Variants in UTRN observed in about 807,000 individuals in gnomAD.
The protein encoded by UTRN is dystrophin-related protein 1.
A neutral mutation model predicts 463.9 loss-of-function variants in UTRN; 283 were observed. The observed-to-expected ratio is 0.61, with a 90% CI of 0.55 to 0.67. The LOEUF is 0.67. UTRN is among the 30% of genes least tolerant of loss of function. The probability of loss-of-function intolerance (pLI) is 0.00; values close to 1 mark genes in which losing one functional copy is unlikely to be tolerated. For synonymous variants in UTRN, 1,442 were observed against 1,431.5 expected, an observed-to-expected ratio of 1.01 and a Z score of -0.17; for missense variants, 3,922 against 4,084.3, an observed-to-expected ratio of 0.96 and a Z score of 1.08.
At chr6:144,775,017 A>G (rs540351325) in intron 60 of UTRN, among the ~76,000 whole-genome samples, 1 of 152,182 alleles carries the variant, frequency 6.6e-6, no homozygotes, top group Admixed American at 6.5e-5. Context: ...TTGTAGTTCT[A>G]ATGATTGAGT....
At chr6:144,498,721 C>G (rs1322828762) in intron 33 of UTRN, among the ~76,000 whole-genome samples, 1 of 151,502 alleles carries the variant, frequency 6.6e-6, no homozygotes, top group Admixed American at 6.6e-5. Flanking sequence ...GTGGCAGGAT[C>G]ACGGCTCACT....
At chr6:144,715,810 A>G (rs1189903353) in intron 53 of UTRN, among the ~76,000 whole-genome samples, 3 of 150,762 alleles carry the variant, frequency 2.0e-5, no homozygotes, top group Non-Finnish European at 4.4e-5. Context: ...ATGCTCGATA[A>G]AAGTTGAATG....
intron 13 of UTRN, among the ~76,000 whole-genome samples, chr6:144,444,063 A>G (rs1787425538): frequency 6.6e-6 from 1 of 152,226 alleles, no homozygotes; most frequent in Non-Finnish European, 1.5e-5. Context: ...GTTAGTTTCT[A>G]GCTATGTGAA....
intron 3 of UTRN, among the ~76,000 whole-genome samples, chr6:144,409,929 G>A (rs2114814621): frequency 6.6e-6 from 1 of 152,256 alleles, no homozygotes; most frequent in Non-Finnish European, 1.5e-5. Context: ...GTCAAAGTCT[G>A]GACAGAATTT....
At chr6:144,721,469 A>C (rs1332338293) in intron 53 of UTRN, among the ~76,000 whole-genome samples, 1 of 152,188 alleles carries the variant, frequency 6.6e-6, no homozygotes, top group Non-Finnish European at 1.5e-5. Context: ...TTGGCCTCCC[A>C]AAGTGCTGGG....
chr6:144,340,094 G>A (rs902440449), intron 2 of UTRN, among the ~76,000 whole-genome samples: 2 of 152,316 alleles, frequency 1.3e-5, no homozygotes, highest in South Asian at 2.1e-4. Context: ...TGGAATCTGG[G>A]AGGCGGAGGT....
At chr6:144,502,289 T>C (rs1383251038) in intron 34 of UTRN, among the ~76,000 whole-genome samples, 2 of 152,048 alleles carry the variant, frequency 1.3e-5, no homozygotes, top group Admixed American at 1.3e-4. Flanking sequence ...CTTTAAGTTA[T>C]GGGATACATG....
At chr6:144,832,357 G>T (rs62427256) in intron 69 of UTRN, among the ~76,000 whole-genome samples, 1 of 152,104 alleles carries the variant, frequency 6.6e-6, no homozygotes, top group East Asian at 1.9e-4. Context: ...CATAATGAAA[G>T]AATGCAATGA....
chr6:144,660,237 A>C, intron 51 of UTRN: 1 of 471,244 alleles, frequency 2.1e-6, no homozygotes, highest in Non-Finnish European at 4.4e-6. Flanking sequence ...GATTGGTCTG[A>C]ACTTCAACTT....
chr6:144,426,945 C>A (rs1045469626), intron 7 of UTRN, among the ~76,000 whole-genome samples: 2 of 152,190 alleles, frequency 1.3e-5, no homozygotes, highest in African/African-American at 4.8e-5. Context: ...GGCTGAAATA[C>A]TTTCCAAAAA....
chr6:144,316,758 T>C (rs1775307363), intron 2 of UTRN, among the ~76,000 whole-genome samples: 2 of 152,242 alleles, frequency 1.3e-5, no homozygotes, highest in African/African-American at 4.8e-5. Flanking sequence ...CTCCCTACCA[T>C]AATTTTATGG....
At chr6:144,404,777 G>A (rs1238325118) in intron 3 of UTRN, among the ~76,000 whole-genome samples, 1 of 152,154 alleles carries the variant, frequency 6.6e-6, no homozygotes, top group Non-Finnish European at 1.5e-5. Context: ...GTTTGTAGAG[G>A]AAGAGAGATG....
chr6:144,390,540 G>A (rs1225673925), intron 2 of UTRN, among the ~76,000 whole-genome samples: 1 of 152,148 alleles, frequency 6.6e-6, no homozygotes, highest in Non-Finnish European at 1.5e-5. Flanking sequence ...ACTGCAGCCT[G>A]TTCCAAAATT....
At chr6:144,405,873 G>A (rs955332611) in intron 3 of UTRN, among the ~76,000 whole-genome samples, 2 of 152,184 alleles carry the variant, frequency 1.3e-5, no homozygotes, top group African/African-American at 4.8e-5. Context: ...TAGAAAAAAT[G>A]GTGAGAGACT....
intron 41 of UTRN, among the ~76,000 whole-genome samples, chr6:144,527,047 G>T (rs1345922723): frequency 6.6e-6 from 1 of 152,188 alleles, no homozygotes; most frequent in Admixed American, 6.5e-5. Flanking sequence ...TGATCCACCT[G>T]CCTCAGCCTC....
chr6:144,592,009 G>T (rs1053066427), intron 51 of UTRN, among the ~76,000 whole-genome samples: 5 of 152,112 alleles, frequency 3.3e-5, no homozygotes, highest in African/African-American at 9.7e-5. Flanking sequence ...AGGCTAGGGT[G>T]GTTGTAATAT....
chr6:144,414,129 TAA>T (rs568501267), intron 3 of UTRN, among the ~76,000 whole-genome samples: 1 of 143,904 alleles, frequency 6.9e-6, no homozygotes. Context: ...TCCTACTCAT[TAA>T]AAAAAAAAAA....
At position 144,579,797 on chromosome 6, in the gene UTRN, A is replaced by G. The variant is rs1181708906; in HGVS notation, c.7479+2509A>G. 1.3e-5 allele frequency among the ~76,000 whole-genome samples: 2 copies of G among 152,182 alleles called. 1 individual carries two copies. The highest frequency in any genetic ancestry group is 4.1e-4 in the South Asian group (2 of 4,828). ...TCTCTTTTGGCTGGTAGAAAGTAATAAAGAGGACATTTACTAAGAGTCCAC... is the reference window on the plus strand; with the variant it reads ...TCTCTTTTGGCTGGTAGAAAGTAATGAAGAGGACATTTACTAAGAGTCCAC... On this transcript the variant is annotated intron_variant, in intron 51 of 74. Coordinates refer to ENST00000367545, the MANE Select transcript of UTRN (RefSeq NM_007124.3).
chr6:144,720,690 T>C (rs1188405431), intron 53 of UTRN, among the ~76,000 whole-genome samples: 1 of 152,236 alleles, frequency 6.6e-6, no homozygotes, highest in African/African-American at 2.4e-5. Context: ...CTATCTGTTT[T>C]CTTGAGTTGC....
Sources: gnomAD v4.1 joint callset for allele counts (sites outside exome capture counted in the v4.1 genomes callset) on GRCh38, gnomAD v4.1.1 for gene constraint, MANE v1.5 for transcripts, NCBI Gene and HGNC (gene_info 2026-07-23, HGNC 2026-07-21) for gene names.